AP3S1: variants seen among roughly 807,000 people sequenced by gnomAD.
AP3S1 encodes adaptor related protein complex 3 subunit sigma 1, also known as AP-3 complex subunit sigma-1.
Under a neutral mutation model 21.3 loss-of-function variants are expected in AP3S1, and 12 were observed. That is an observed-to-expected ratio of 0.56 (90% CI 0.36 to 0.91). The LOEUF (loss-of-function observed/expected upper bound fraction) is 0.91, where lower values mean the gene tolerates loss of function less well. Ranked by LOEUF, AP3S1 falls within the 40% of genes least tolerant of loss-of-function variation. The pLI, the probability that AP3S1 is intolerant of heterozygous loss-of-function variation, is 0.01. For synonymous variants in AP3S1, 48 were observed against 78.4 expected, an observed-to-expected ratio of 0.61 and a Z score of 2.05; for missense variants, 116 against 225.0, an observed-to-expected ratio of 0.52 and a Z score of 3.10.
chr5:115,898,650 G>A (rs971291640), intron 4 of AP3S1: 13 of 152,210 alleles, frequency 8.5e-5, no homozygotes, highest in Admixed American at 2.6e-4. Flanking sequence ...TTCCACTAGT[G>A]TAAAGGAAGG....
intron 1 of AP3S1, among the ~76,000 whole-genome samples, chr5:115,845,802 A>G (rs572505684): frequency 3.3e-4 from 42 of 128,516 alleles, no homozygotes; most frequent in Non-Finnish European, 3.9e-4. Flanking sequence ...GTGCCACTGC[A>G]TTCCAGCCTG....
intron 1 of AP3S1, chr5:115,842,410 C>T: frequency 3.6e-6 from 1 of 275,202 alleles, no homozygotes. Flanking sequence ...CCTCGCCGAT[C>T]GGGCAGCCGC....
chr5:115,852,556 A>G (rs1361471788), intron 1 of AP3S1, among the ~76,000 whole-genome samples: 10 of 152,154 alleles, frequency 6.6e-5, no homozygotes. Flanking sequence ...CCATCGCCAC[A>G]ATCTAAGTTT....
At chr5:115,886,790 A>C (rs1749821356) in intron 3 of AP3S1, among the ~76,000 whole-genome samples, 1 of 152,096 alleles carries the variant, frequency 6.6e-6, no homozygotes, top group Non-Finnish European at 1.5e-5. Context: ...AGGAATCATT[A>C]ATGTAAACTC....
At chr5:115,850,025 A>G (rs908520379) in intron 1 of AP3S1, among the ~76,000 whole-genome samples, 2 of 151,992 alleles carry the variant, frequency 1.3e-5, no homozygotes, top group Admixed American at 1.3e-4. Context: ...GAAGAAAACC[A>G]TTTTTTTCTT....
chr5:115,866,891 G>A (rs1763664896), intron 2 of AP3S1, 130 bp downstream of exon 2: 2 of 439,830 alleles, frequency 4.5e-6, no homozygotes, highest in Non-Finnish European at 3.9e-6. Context: ...TGCCACCTAT[G>A]TTAGCTATAA....
intron 3 of AP3S1, among the ~76,000 whole-genome samples, chr5:115,870,769 CA>C (rs910466036): frequency 6.6e-6 from 1 of 152,304 alleles, no homozygotes; most frequent in African/African-American, 2.4e-5. Flanking sequence ...ATCTCTCCTT[CA>C]TTGGAGATTT....
intron 1 of AP3S1, among the ~76,000 whole-genome samples, chr5:115,855,532 G>T (rs971006196): frequency 6.6e-6 from 1 of 152,006 alleles, no homozygotes; most frequent in Non-Finnish European, 1.5e-5. Flanking sequence ...TAGAGATGGG[G>T]TTTCACCATG....
chr5:115,906,242 ATTAT>A (rs1243159353), intron 5 of AP3S1, among the ~76,000 whole-genome samples: 2 of 152,210 alleles, frequency 1.3e-5, no homozygotes, highest in African/African-American at 2.4e-5. Flanking sequence ...ATTTTTAAAA[ATTAT>A]TTAAGTAATA....
chr5:115,857,056 G>A (rs1412371502), intron 1 of AP3S1, among the ~76,000 whole-genome samples: 2 of 152,158 alleles, frequency 1.3e-5, no homozygotes, highest in Admixed American at 1.3e-4. Context: ...ATTCCAAGTG[G>A]CAGCAGTTGA....
chr5:115,902,155 T>C (rs1166704959), intron 4 of AP3S1, among the ~76,000 whole-genome samples: 1 of 152,178 alleles, frequency 6.6e-6, no homozygotes, highest in African/African-American at 2.4e-5. Context: ...ATTTCTAACC[T>C]TACCACATTA....
At chr5:115,868,954 G>A (rs1747965977) in intron 2 of AP3S1, among the ~76,000 whole-genome samples, 6 of 22,032 alleles carry the variant, frequency 2.7e-4, no homozygotes, top group East Asian at 4.5e-4. Context: ...AGGAAGGAAG[G>A]GAGGGAGGGA....
intron 3 of AP3S1, among the ~76,000 whole-genome samples, chr5:115,894,214 C>T (rs901128377): frequency 1.3e-5 from 2 of 152,140 alleles, no homozygotes; most frequent in Non-Finnish European, 2.9e-5. Context: ...TGCTTAATTT[C>T]CCCCAAAATA....
intron 3 of AP3S1, among the ~76,000 whole-genome samples, chr5:115,885,916 A>G (rs1749739612): frequency 6.6e-6 from 1 of 152,226 alleles, no homozygotes; most frequent in Non-Finnish European, 1.5e-5. Flanking sequence ...TGTTAACAGT[A>G]GATTTATGTG....
At chr5:115,882,265 TGGA>T (rs566239852) in intron 3 of AP3S1, among the ~76,000 whole-genome samples, 3 of 152,126 alleles carry the variant, frequency 2.0e-5, no homozygotes, top group Admixed American at 6.5e-5. Context: ...TGTGGACCTT[TGGA>T]GGAGAAGAGG....
intron 1 of AP3S1, among the ~76,000 whole-genome samples, chr5:115,861,865 C>CT (rs113923492): frequency 0.046 from 5,116 of 110,552 alleles, 168 homozygotes; most frequent in Middle Eastern, 0.13. Flanking sequence ...CTTTTCTTTT[C>CT]TTTTTTTTTT....
intron 3 of AP3S1, among the ~76,000 whole-genome samples, chr5:115,890,975 A>G (rs1240057117): frequency 6.6e-6 from 1 of 152,122 alleles, no homozygotes; most frequent in Non-Finnish European, 1.5e-5. Context: ...ATATTTGTTA[A>G]TTGCTTACTC....
chr5:115,858,814 A>G (rs1188547350), intron 1 of AP3S1, among the ~76,000 whole-genome samples: 1 of 150,448 alleles, frequency 6.6e-6, no homozygotes, highest in Non-Finnish European at 1.5e-5. Flanking sequence ...TAGTTGTATT[A>G]TCTTTTCTTA....
At chr5:115,887,149 T>C (rs1749859115) in intron 3 of AP3S1, among the ~76,000 whole-genome samples, 1 of 152,194 alleles carries the variant, frequency 6.6e-6, no homozygotes. Context: ...TGATTTTACG[T>C]TCAGTTTGTC....
Sources: allele counts gnomAD v4.1 joint callset (sites outside exome capture counted in the v4.1 genomes callset), GRCh38; gene constraint gnomAD v4.1.1; transcripts MANE v1.5; gene names NCBI Gene and HGNC (gene_info 2026-07-23, HGNC 2026-07-21).